Variants in NRXN1 observed in about 807,000 individuals in gnomAD.
The protein encoded by NRXN1 is neurexin 1, also known as neurexin-1.
In NRXN1, 39 loss-of-function variants were observed where a neutral mutation model predicts 150.9. That is an observed-to-expected ratio of 0.26 (90% CI 0.20 to 0.34). NRXN1 has a LOEUF of 0.34. Among genes scored for constraint, NRXN1 ranks in the 10% least tolerant of loss-of-function variants. NRXN1 has a pLI of 1.00. For missense variants in NRXN1, 1,815 were observed against 1,949.9 expected (o/e 0.93, Z 1.30); for synonymous variants, 924 against 757.0 (o/e 1.22, Z -3.62).
chr2:50,613,510 G>C (rs1371875301), intron 8 of NRXN1, among the ~76,000 whole-genome samples: 1 of 152,222 alleles, frequency 6.6e-6, no homozygotes, highest in African/African-American at 2.4e-5. Context: ...TGTAGCCACA[G>C]TCAGTCCACT....
At chr2:50,554,865 T>C (rs141834115) in intron 8 of NRXN1, among the ~76,000 whole-genome samples, 1 of 152,138 alleles carries the variant, frequency 6.6e-6, no homozygotes, top group Non-Finnish European at 1.5e-5. Context: ...TGAACAAATA[T>C]GTACAATGGT....
At chr2:50,402,250 A>T (rs573004692) in intron 17 of NRXN1, among the ~76,000 whole-genome samples, 1,870 of 152,132 alleles carry the variant, frequency 0.012, 43 homozygotes, top group African/African-American at 0.041. Context: ...TAATACATCC[A>T]TTAATTTTAT....
chr2:50,722,296 C>T (rs1035614986), intron 5 of NRXN1, among the ~76,000 whole-genome samples: 10 of 152,004 alleles, frequency 6.6e-5, no homozygotes, highest in Non-Finnish European at 1.0e-4. Context: ...ATACAATTCC[C>T]CATAATACAA....
At chr2:50,499,674 G>A (rs1332293022) in intron 13 of NRXN1, among the ~76,000 whole-genome samples, 1 of 152,130 alleles carries the variant, frequency 6.6e-6, no homozygotes, top group Non-Finnish European at 1.5e-5. Context: ...TCGTCTAGAT[G>A]CGGTGGCTCA....
intron 8 of NRXN1, among the ~76,000 whole-genome samples, chr2:50,595,176 G>C (rs1674957695): frequency 6.6e-6 from 1 of 152,020 alleles, no homozygotes; most frequent in Admixed American, 6.6e-5. Flanking sequence ...ATGATGGTGA[G>C]ACCTCAGTGT....
intron 17 of NRXN1, among the ~76,000 whole-genome samples, chr2:50,281,209 C>A (rs369742798): frequency 6.6e-6 from 1 of 150,946 alleles, no homozygotes; most frequent in East Asian, 2.0e-4. Context: ...CCCAGCTACT[C>A]GGGAGGCTGA....
chr2:50,998,808 T>C (rs10153619), intron 2 of NRXN1, among the ~76,000 whole-genome samples: 26,625 of 152,074 alleles, frequency 0.18, 3,501 homozygotes, highest in African/African-American at 0.37. Context: ...GTGAATCCTT[T>C]CAAATTCTTG....
intron 5 of NRXN1, among the ~76,000 whole-genome samples, chr2:50,645,510 C>T (rs1684693963): frequency 6.6e-6 from 1 of 151,882 alleles, no homozygotes; most frequent in African/African-American, 2.4e-5. Flanking sequence ...CCCATGAAAA[C>T]GTGAGCTCCA....
intron 2 of NRXN1, among the ~76,000 whole-genome samples, chr2:51,007,097 C>T (rs893903075): frequency 1.3e-5 from 2 of 151,938 alleles, no homozygotes; most frequent in African/African-American, 4.8e-5. Context: ...TTCTCTAGTG[C>T]ATAAATTACA....
chr2:50,981,823 G>C (rs1696866357), intron 2 of NRXN1, among the ~76,000 whole-genome samples: 1 of 139,424 alleles, frequency 7.2e-6, no homozygotes, highest in South Asian at 2.3e-4. Context: ...TAAACAATGT[G>C]TGTGTGTGTG....
intron 17 of NRXN1, among the ~76,000 whole-genome samples, chr2:50,458,888 T>TA (rs1443488567): frequency 2.0e-5 from 3 of 152,086 alleles, no homozygotes; most frequent in African/African-American, 4.8e-5. Flanking sequence ...CATAAAATTT[T>TA]AAAAAATCTA....
chr2:50,189,950 A>G (rs1158888915), intron 18 of NRXN1, among the ~76,000 whole-genome samples: 1 of 152,180 alleles, frequency 6.6e-6, no homozygotes, highest in African/African-American at 2.4e-5. Context: ...TTCACAAATC[A>G]AACTCAAACA....
At chr2:50,071,855 G>C (rs928894859) in intron 19 of NRXN1, among the ~76,000 whole-genome samples, 3 of 152,126 alleles carry the variant, frequency 2.0e-5, no homozygotes, top group African/African-American at 7.2e-5. Context: ...ATAAAGCTCT[G>C]TGTTAATGTC....
intron 17 of NRXN1, among the ~76,000 whole-genome samples, chr2:50,393,715 C>T (rs569561490): frequency 5.5e-4 from 84 of 152,146 alleles, no homozygotes; most frequent in Non-Finnish European, 1.0e-3. Flanking sequence ...GAAAAATAGG[C>T]TTAATCTACT....
chr2:50,492,094 G>A (rs902132475), intron 15 of NRXN1, among the ~76,000 whole-genome samples: 5 of 152,114 alleles, frequency 3.3e-5, no homozygotes, highest in Non-Finnish European at 7.4e-5. Flanking sequence ...GGAACACAAG[G>A]AGGAATCGCA....
chr2:50,576,662 C>A (rs895809681), intron 8 of NRXN1, among the ~76,000 whole-genome samples: 1 of 152,100 alleles, frequency 6.6e-6, no homozygotes, highest in Admixed American at 6.5e-5. Flanking sequence ...CTCTTTTATA[C>A]ATTCTATATA....
chr2:50,833,038 T>C (rs1671634649), intron 5 of NRXN1, among the ~76,000 whole-genome samples: 1 of 152,128 alleles, frequency 6.6e-6, no homozygotes, highest in Non-Finnish European at 1.5e-5. Context: ...CCAAACAGGC[T>C]ATATGGGGGC....
chr2:50,520,668 G>T lies in NRXN1; in HGVS notation c.2374+7957C>A, dbSNP rs77653927. On this transcript the variant is annotated intron_variant, in intron 12 of 22. Coordinates refer to ENST00000401669, the MANE Select transcript of NRXN1 (RefSeq NM_001330078.2). Reference sequence around the variant, plus strand: ...AATTTTACTTAATTGATTGCATAAAGAATTTCTTGATTACCAATATATTAT... The same window carrying T: ...AATTTTACTTAATTGATTGCATAAATAATTTCTTGATTACCAATATATTAT... Among the ~76,000 whole-genome samples, 714 of 151,924 alleles carry T rather than the reference G, an allele frequency of 4.7e-3. 5 individuals are homozygous for T. Among genetic ancestry groups the T allele is most frequent in the African/African-American group, 0.017 (685 of 41,500 alleles).
At chr2:50,292,925 G>C (rs982689209) in intron 17 of NRXN1, among the ~76,000 whole-genome samples, 1 of 152,076 alleles carries the variant, frequency 6.6e-6, no homozygotes, top group South Asian at 2.1e-4. Flanking sequence ...TACATTGCCT[G>C]GAATAGATGG....
Sources: gnomAD v4.1 joint callset for allele counts (sites outside exome capture counted in the v4.1 genomes callset) on GRCh38, gnomAD v4.1.1 for gene constraint, MANE v1.5 for transcripts, NCBI Gene and HGNC (gene_info 2026-07-23, HGNC 2026-07-21) for gene names.